The following TOP2B variants were observed in gnomAD, a reference collection of about 807,000 sequenced individuals.
TOP2B encodes the protein DNA topoisomerase II beta, also known as DNA topoisomerase 2-beta.
In TOP2B, 51 loss-of-function variants were observed where a neutral mutation model predicts 193.5. The ratio of observed to expected loss-of-function variants is 0.26; its 90% CI spans 0.21 to 0.33. The LOEUF (loss-of-function observed/expected upper bound fraction) is 0.33, where lower values mean the gene tolerates loss of function less well. TOP2B is among the 10% of genes least tolerant of loss of function. TOP2B has a pLI of 1.00. For synonymous variants in TOP2B, 634 were observed against 635.7 expected (o/e 1.00, Z 0.04); for missense variants, 1,378 against 1,909.3 (o/e 0.72, Z 5.19).
At chr3:25,645,504 C>G in intron 1 of TOP2B, 34 bp from the exon 2 acceptor site, 1 of 1,542,890 alleles carries the variant, frequency 6.5e-7, no homozygotes, top group Non-Finnish European at 8.8e-7. Context: ...TTTAAATAAC[C>G]TACCAAGGGG....
chr3:25,619,726 T>C, intron 23 of TOP2B, 136 bp downstream of exon 23: 2 of 608,026 alleles, frequency 3.3e-6, no homozygotes, highest in Non-Finnish European at 2.8e-6. Context: ...CTTCAGCAAA[T>C]CTGCAGGATG....
chr3:25,662,847 GCTGT>G (rs762241988), intron 1 of TOP2B, among the ~76,000 whole-genome samples: 23 of 152,278 alleles, frequency 1.5e-4, no homozygotes, highest in East Asian at 9.6e-4. Context: ...ATACCATTTG[GCTGT>G]CTAAGTCAAT....
intron 28 of TOP2B, among the ~76,000 whole-genome samples, chr3:25,612,079 A>AC (rs1702385585): frequency 6.6e-6 from 1 of 151,756 alleles, no homozygotes; most frequent in South Asian, 2.1e-4. Context: ...AGTAGCTGTG[A>AC]TACAGGCGCC....
chr3:25,599,731 T>G (rs1261410347), intron 34 of TOP2B, among the ~76,000 whole-genome samples: 1 of 152,218 alleles, frequency 6.6e-6, no homozygotes, highest in Non-Finnish European at 1.5e-5. Context: ...TTTTGACAAA[T>G]ACATTTAAAC....
chr3:25,623,638 C>A lies in TOP2B; in HGVS notation c.2604G>T (p.Met868Ile). 2 of 1,613,766 alleles carry A rather than the reference C, an allele frequency of 1.2e-6. No homozygotes were observed. Among genetic ancestry groups the A allele is most frequent in the East Asian group, 4.5e-5 (2 of 44,848 alleles). Reference sequence around the variant, plus strand: ...TGCCCTCAGCACCATTTATTAAAACCATGGGAATTATAGGAATATACCACT... The same window carrying A: ...TGCCCTCAGCACCATTTATTAAAACAATGGGAATTATAGGAATATACCACT... ...EPEWYIPIIP[M>I]VLINGAEGIG... Residue 868 changes from methionine to isoleucine, a missense_variant, in exon 21 of 36, where the codon ATG (methionine) becomes ATT (isoleucine). Around this residue, in one of 9 missense-constraint regions of TOP2B, gnomAD observed 379 missense variants for 615.1 expected, o/e 0.62. Transcript: ENST00000264331.
chr3:25,621,787 G>A (rs57691873), intron 21 of TOP2B, among the ~76,000 whole-genome samples: 2 of 151,768 alleles, frequency 1.3e-5, no homozygotes, highest in Non-Finnish European at 2.9e-5. Flanking sequence ...CCAGGAGTTC[G>A]AGACCAGCCT....
At chr3:25,615,922 T>C (rs1159782107) in intron 25 of TOP2B, 1 of 167,366 alleles carries the variant, frequency 6.0e-6, no homozygotes, top group Non-Finnish European at 1.3e-5. Flanking sequence ...ATTAATGTTT[T>C]ATCACTGCAT....
chr3:25,622,724 T>A (rs1702690412), intron 21 of TOP2B, among the ~76,000 whole-genome samples: 1 of 148,428 alleles, frequency 6.7e-6, no homozygotes, highest in Non-Finnish European at 1.5e-5. Flanking sequence ...CACCGCAACC[T>A]CCACCTCCTG....
At chr3:25,629,750 TTTC>T (rs1702905868) in intron 13 of TOP2B, among the ~76,000 whole-genome samples, 1 of 151,600 alleles carries the variant, frequency 6.6e-6, no homozygotes, top group South Asian at 2.1e-4. Flanking sequence ...ATCATTAATC[TTTC>T]TTACTTGTTA....
At chr3:25,607,095 G>C in intron 31 of TOP2B, 76 bp downstream of exon 31, 1 of 1,533,736 alleles carries the variant, frequency 6.5e-7, no homozygotes, top group Non-Finnish European at 8.8e-7. Context: ...CAATTTCTTA[G>C]AAGAGCTCAC....
At chr3:25,634,841 C>G (rs1304532986) in intron 7 of TOP2B, among the ~76,000 whole-genome samples, 1 of 149,026 alleles carries the variant, frequency 6.7e-6, no homozygotes, top group African/African-American at 2.5e-5. Context: ...CTCAAGGACA[C>G]AGGCTGAGAA....
intron 31 of TOP2B, among the ~76,000 whole-genome samples, chr3:25,606,720 A>C (rs1702245762): frequency 6.6e-6 from 1 of 152,186 alleles, no homozygotes; most frequent in South Asian, 2.1e-4. Context: ...AAAATCTATC[A>C]AGGCCAAATT....
intron 8 of TOP2B, 131 bp downstream of exon 8, chr3:25,633,710 A>T: frequency 3.0e-6 from 2 of 673,708 alleles, no homozygotes; most frequent in Middle Eastern, 4.6e-4. Context: ...TTTTGTTTTC[A>T]TAAGTCAATT....
intron 30 of TOP2B, among the ~76,000 whole-genome samples, chr3:25,608,614 A>T (rs1359869841): frequency 6.6e-6 from 1 of 152,164 alleles, no homozygotes; most frequent in Non-Finnish European, 1.5e-5. Flanking sequence ...CAAATAACAA[A>T]ATTTCAGAAG....
At position 25,635,901 on chromosome 3, in the gene TOP2B, A is replaced by G. The variant is rs757141802; in HGVS notation, c.852+35T>C. 1.9e-6 allele frequency: 3 copies of G among 1,561,188 alleles called. No individual in the cohort carries two copies. The Admixed American group carries it at 5.2e-5, about 27-fold the overall frequency. ...CCCAACAATATTCTCTCTATAAAAT[A>G]ACATAGTATTAAAACTATTTTACAG... On this transcript the variant is annotated intron_variant, in intron 7 of 35. Coordinates refer to ENST00000264331, the MANE Select transcript of TOP2B (RefSeq NM_001330700.2).
At position 25,631,513 on chromosome 3, in the gene TOP2B, A is replaced by C. The variant is rs374669920; in HGVS notation, c.1267-574T>G. Among the ~76,000 whole-genome samples the C allele has an allele frequency of 3.9e-5, 6 of 152,226 alleles. No individual in the cohort carries two copies. In the East Asian group the frequency reaches 7.7e-4, roughly 20 times the overall value. On this transcript the variant is annotated intron_variant, in intron 10 of 35. Coordinates refer to ENST00000264331, the MANE Select transcript of TOP2B (RefSeq NM_001330700.2). ...TTAACCCAGACAGAAAAAGGAAAAG[A>C]AAGTTAAGCATCTCCAACTCTAAGT...
At chr3:25,633,445 C>T (rs1482196706) in intron 8 of TOP2B, among the ~76,000 whole-genome samples, 1 of 152,116 alleles carries the variant, frequency 6.6e-6, no homozygotes, top group Admixed American at 6.6e-5. Flanking sequence ...CCTAGGAGTT[C>T]TGTGAACTCC....
chr3:25,650,028 G>T (rs916988284), intron 1 of TOP2B, among the ~76,000 whole-genome samples: 1 of 152,054 alleles, frequency 6.6e-6, no homozygotes, highest in African/African-American at 2.4e-5. Flanking sequence ...ATTATCAACT[G>T]AAAAAATTAG....
At chr3:25,643,851 T>G (rs570734884) in intron 2 of TOP2B, 67 bp from the exon 3 acceptor site, 2 of 1,167,184 alleles carry the variant, frequency 1.7e-6, no homozygotes, top group Non-Finnish European at 1.3e-6. Context: ...CATAGTATAA[T>G]CCACATCCTG....
Sources: gnomAD v4.1 joint callset for allele counts (sites outside exome capture counted in the v4.1 genomes callset) on GRCh38, gnomAD v4.1.1 for gene constraint, gnomAD v4.1.1 regional missense constraint, MANE v1.5 for transcripts, NCBI Gene and HGNC (gene_info 2026-07-23, HGNC 2026-07-21) for gene names.